The following WDR7 variants were observed in gnomAD, a reference collection of about 807,000 sequenced individuals.
WDR7 encodes WD repeat-containing protein 7.
A neutral mutation model predicts 169.4 loss-of-function variants in WDR7; 46 were observed. The observed-to-expected ratio is 0.27, with a 90% CI of 0.21 to 0.35. The LOEUF is 0.35. WDR7 is among the 10% of genes least tolerant of loss of function. The probability of loss-of-function intolerance (pLI) is 1.00; values close to 1 mark genes in which losing one functional copy is unlikely to be tolerated. For missense variants in WDR7, 1,534 were observed against 1,859.3 expected (o/e 0.83, Z 3.22); for synonymous variants, 612 against 666.8 (o/e 0.92, Z 1.27).
intron 21 of WDR7, among the ~76,000 whole-genome samples, chr18:56,887,876 A>G (rs2046217025): frequency 6.6e-6 from 1 of 152,166 alleles, no homozygotes; most frequent in African/African-American, 2.4e-5. Context: ...GTGTAATATT[A>G]ACCTATTATA....
rs751627260 is a variant in WDR7 at position 56,718,113 on chromosome 18, G to A, written c.1728G>A (p.Val576=). 4.3e-6 allele frequency: 7 copies of A among 1,614,086 alleles called. No individual in the cohort carries two copies. Among genetic ancestry groups the A allele is most frequent in the Non-Finnish European group, 5.9e-6 (7 of 1,180,008 alleles). ...GGAGGCCTTCTGATGATTACCTGGT[G>A]GTGGGGTGTTCAGATGGTTCTGTGT... ...IKWRPSDDYL[V]VGCSDGSVYV... The change falls in exon 13 of 28, where the codon GTG becomes GTA. Residue 576 remains valine, a synonymous_variant. Transcript: ENST00000254442.
intron 25 of WDR7, among the ~76,000 whole-genome samples, chr18:56,952,740 G>A (rs1183925629): frequency 6.6e-6 from 1 of 152,088 alleles, no homozygotes; most frequent in Non-Finnish European, 1.5e-5. Context: ...TCAGACAATG[G>A]AATATTTTTC....
At chr18:56,909,915 C>G (rs1259334312) in intron 21 of WDR7, among the ~76,000 whole-genome samples, 1 of 152,080 alleles carries the variant, frequency 6.6e-6, no homozygotes, top group Non-Finnish European at 1.5e-5. Context: ...TATGAGGCAA[C>G]TAATTGCTTC....
At chr18:56,823,542 C>T (rs1195903465) in intron 20 of WDR7, among the ~76,000 whole-genome samples, 4 of 152,094 alleles carry the variant, frequency 2.6e-5, no homozygotes, top group East Asian at 1.9e-4. Flanking sequence ...GCTGAGATCA[C>T]ATCCCTGCGC....
Position 56,935,848 on chromosome 18 carries a change from C to T in WDR7, c.3774C>T (p.Ala1258=), listed in dbSNP as rs759341837. The T allele has an allele frequency of 2.2e-5, 35 of 1,614,016 alleles. No individual in the cohort carries two copies. The highest frequency in any genetic ancestry group is 2.8e-5 in the Non-Finnish European group (33 of 1,180,036). ...AADSARSARH[A]LSLIATARPP... ...ACTCGGCCCGCTCTGCGAGGCATGC[C>T]CTCTCGCTCATTGCCACCGCCAGAC... Residue 1258 remains alanine, a synonymous_variant, in exon 23 of 28, where the codon GCC becomes GCT. Coordinates refer to ENST00000254442, the MANE Select transcript of WDR7 (RefSeq NM_015285.3).
chr18:56,835,599 T>G (rs1330311099), intron 20 of WDR7, among the ~76,000 whole-genome samples: 5 of 152,186 alleles, frequency 3.3e-5, no homozygotes, highest in African/African-American at 1.2e-4. Flanking sequence ...TCAAGGAGAT[T>G]AGGAAGTTAT....
intron 13 of WDR7, among the ~76,000 whole-genome samples, chr18:56,730,531 C>A (rs2026560188): frequency 6.6e-6 from 1 of 152,138 alleles, no homozygotes; most frequent in Admixed American, 6.5e-5. Flanking sequence ...CTTTGGGAGG[C>A]CGAGGCGGGC....
At chr18:56,937,165 T>A (rs2046971803) in intron 23 of WDR7, among the ~76,000 whole-genome samples, 1 of 152,190 alleles carries the variant, frequency 6.6e-6, no homozygotes, top group South Asian at 2.1e-4. Context: ...ATGCTTTGAA[T>A]TCATTCTACT....
chr18:56,670,657 C>T (rs1038858747), intron 1 of WDR7, among the ~76,000 whole-genome samples: 1 of 152,066 alleles, frequency 6.6e-6, no homozygotes, highest in African/African-American at 2.4e-5. Flanking sequence ...ACTACAGGCA[C>T]CCACCACCTC....
chr18:56,936,234 G>T (rs368224212), intron 23 of WDR7: 3 of 208,978 alleles, frequency 1.4e-5, no homozygotes, highest in African/African-American at 6.9e-5. Flanking sequence ...TCACATGTAA[G>T]TACCTACTTG....
chr18:56,701,538 A>G (rs1429408380), intron 12 of WDR7, among the ~76,000 whole-genome samples: 3 of 152,172 alleles, frequency 2.0e-5, no homozygotes, highest in African/African-American at 7.2e-5. Flanking sequence ...ATTGCTATTC[A>G]GATGTGACAG....
intron 17 of WDR7, 59 bp from the exon 18 acceptor site, chr18:56,779,372 G>A (rs975470575): frequency 2.2e-6 from 3 of 1,370,726 alleles, no homozygotes; most frequent in Non-Finnish European, 3.0e-6. Context: ...ATAAAGAACT[G>A]TTGACTTAGG....
chr18:56,805,502 G>C (rs149148813), intron 19 of WDR7, among the ~76,000 whole-genome samples: 70 of 152,248 alleles, frequency 4.6e-4, no homozygotes, highest in African/African-American at 1.6e-3. Context: ...CAACATTTAG[G>C]ATTATGGCAT....
intron 21 of WDR7, among the ~76,000 whole-genome samples, chr18:56,888,085 T>C (rs1218124717): frequency 6.6e-6 from 1 of 152,210 alleles, no homozygotes; most frequent in African/African-American, 2.4e-5. Flanking sequence ...GAGGCATAGA[T>C]AGTGAGTTCT....
rs188191182 is a variant in WDR7, at chr18:56,807,679, A to C, written c.3191-8352A>C. On this transcript the variant is annotated intron_variant, in intron 19 of 27. Transcript: ENST00000254442. The stretch of plus-strand genomic sequence containing the variant: ...TTTATATGAGAGCAGTTTTCTAAAA[A>C]AAAAAAATACTAGTTAGGAAAAAAT... Among the ~76,000 whole-genome samples the C allele has an allele frequency of 1.2e-3, 176 of 152,202 alleles. 1 individual carries two copies. Among genetic ancestry groups the C allele is most frequent in the African/African-American group, 4.1e-3 (170 of 41,568 alleles).
At chr18:56,656,250 G>A (rs1238339735) in intron 1 of WDR7, among the ~76,000 whole-genome samples, 4 of 150,302 alleles carry the variant, frequency 2.7e-5, no homozygotes, top group South Asian at 4.2e-4. Context: ...TCTTTGCATC[G>A]TCTTCCACTA....
chr18:56,725,543 T>C (rs914266583), intron 13 of WDR7, among the ~76,000 whole-genome samples: 6 of 152,192 alleles, frequency 3.9e-5, no homozygotes, highest in African/African-American at 1.4e-4. Context: ...ATTGTAGATT[T>C]TGGATATTAG....
At chr18:56,860,789 G>A (rs1056100985) in intron 20 of WDR7, among the ~76,000 whole-genome samples, 7 of 151,726 alleles carry the variant, frequency 4.6e-5, no homozygotes, top group African/African-American at 1.7e-4. Flanking sequence ...GTTAAATTAA[G>A]TTGTTTTAAA....
chr18:56,715,901 C>A (rs757349324), intron 12 of WDR7, among the ~76,000 whole-genome samples: 1 of 151,968 alleles, frequency 6.6e-6, no homozygotes. Context: ...ATGTAGCAAC[C>A]AACCCTTTTT....
Sources: gnomAD v4.1 joint callset for allele counts (sites outside exome capture counted in the v4.1 genomes callset) on GRCh38, gnomAD v4.1.1 for gene constraint, MANE v1.5 for transcripts, NCBI Gene and HGNC (gene_info 2026-07-23, HGNC 2026-07-21) for gene names.